Variants in ABLIM2 observed in about 807,000 individuals in gnomAD.
ABLIM2 encodes actin binding LIM protein family member 2.
Under a neutral mutation model 97.7 loss-of-function variants are expected in ABLIM2, and 53 were observed. The ratio of observed to expected loss-of-function variants is 0.54; its 90% confidence interval spans 0.44 to 0.68. ABLIM2 has a LOEUF of 0.68. Among genes scored for constraint, ABLIM2 ranks in the 30% least tolerant of loss-of-function variants. The pLI is 0.00. For synonymous variants in ABLIM2, 361 were observed against 345.8 expected (o/e 1.04, Z -0.49); for missense variants, 835 against 867.2 (o/e 0.96, Z 0.47).
At chr4:8,006,620 A>G (rs951899614) in intron 16 of ABLIM2, among the ~76,000 whole-genome samples, 7 of 152,240 alleles carry the variant, frequency 4.6e-5, no homozygotes, top group Non-Finnish European at 7.3e-5. Flanking sequence ...ACGTGAGTGC[A>G]GGGCAGATGG....
At chr4:7,985,569 C>T (rs1401938967) in intron 17 of ABLIM2, among the ~76,000 whole-genome samples, 1 of 152,180 alleles carries the variant, frequency 6.6e-6, no homozygotes, top group African/African-American at 2.4e-5. Flanking sequence ...GGGCTCCTAC[C>T]TCCCTGGAAA....
intron 20 of ABLIM2, among the ~76,000 whole-genome samples, chr4:7,974,598 TA>T (rs146489969): frequency 1 from 150,770 of 150,820 alleles, 75,360 homozygotes; most frequent in Middle Eastern, 1. Context: ...CATCCAATCC[TA>T]CCATCCAATC....
Position 7,996,484 on chromosome 4 carries a change from A to G in ABLIM2, c.1619-3557T>C, listed in dbSNP as rs556008579. Among the ~76,000 whole-genome samples, 6 of 152,254 alleles carry G rather than the reference A, an allele frequency of 3.9e-5. No homozygotes were observed. Among genetic ancestry groups the G allele is most frequent in the Admixed American group, 1.3e-4 (2 of 15,296 alleles). ...TGGAAACCTTGCTTCCGCGAAGGCCATTTTATCCTCCCCACTTTGACTATG... is the reference window on the plus strand; with the variant it reads ...TGGAAACCTTGCTTCCGCGAAGGCCGTTTTATCCTCCCCACTTTGACTATG... On this transcript the variant is annotated intron_variant, in intron 16 of 20. Coordinates refer to ENST00000447017, the MANE Select transcript of ABLIM2 (RefSeq NM_001130083.2). The surrounding 1 kb of genome is among the most constrained non-coding windows in gnomAD (Gnocchi z 4.5).
intron 12 of ABLIM2, among the ~76,000 whole-genome samples, chr4:8,025,551 G>A (rs1052853398): frequency 6.6e-6 from 1 of 152,220 alleles, no homozygotes; most frequent in African/African-American, 2.4e-5. Flanking sequence ...GGGAGCTGAG[G>A]AGGGGGCTGC....
At chr4:8,086,003 C>T (rs1823354765) in intron 4 of ABLIM2, among the ~76,000 whole-genome samples, 1 of 152,188 alleles carries the variant, frequency 6.6e-6, no homozygotes, top group Admixed American at 6.5e-5. Context: ...TGCAGAAGAG[C>T]TCCTCCAGGC....
intron 1 of ABLIM2, among the ~76,000 whole-genome samples, chr4:8,156,913 C>T (rs770767668): frequency 9.9e-5 from 15 of 152,184 alleles, no homozygotes; most frequent in Non-Finnish European, 7.3e-5. Flanking sequence ...TGGGCAGGGG[C>T]GACAGGTGGC....
Position 8,097,129 on chromosome 4 carries a change from T to A in ABLIM2, c.308A>T (p.His103Leu). Reference protein sequence around the residue: ...EVVSALGKTYHPDCFVCAVCR... With the variant: ...EVVSALGKTYLPDCFVCAVCR... ...GACGGCACACACGAAGCAGTCGGGG[T>A]GGTAGGTCTTGCCCAGCGCCGACAC... Residue 103 changes from histidine to leucine, a missense_variant, in exon 3 of 21, where the codon CAC becomes CTC. Physicochemically the swap from His to Leu is moderately conservative, Grantham distance 99. Transcript: ENST00000447017. 3 of 1,608,800 alleles carry A rather than the reference T, an allele frequency of 1.9e-6. No individual in the cohort carries two copies. Among genetic ancestry groups the A allele is most frequent in the Non-Finnish European group, 2.5e-6 (3 of 1,177,962 alleles).
rs1848470138 is a variant in ABLIM2, at chr4:8,127,382, C to G, written c.11-20745G>C. Among the ~76,000 whole-genome samples the G allele has an allele frequency of 1.3e-5, 2 of 152,208 alleles. No homozygotes were observed. The highest frequency in any genetic ancestry group is 4.8e-5 in the African/African-American group (2 of 41,450). ...CCCACTGGCGCTCGTGGTGCCGGCG[C>G]TCATGACCTTCACGCAGGGCACAAC... On this transcript the variant is annotated intron_variant, in intron 1 of 20. Coordinates refer to ENST00000447017, the MANE Select transcript of ABLIM2 (RefSeq NM_001130083.2). The surrounding 1 kb of genome is among the most constrained non-coding windows in gnomAD (Gnocchi z 7.3).
chr4:8,116,930 T>G (rs956258602), intron 1 of ABLIM2, among the ~76,000 whole-genome samples: 1 of 152,222 alleles, frequency 6.6e-6, no homozygotes, highest in Admixed American at 6.5e-5. Context: ...ATAAGCCTTA[T>G]GCATTTTATC....
chr4:8,079,644 A>AG (rs1818485499), intron 5 of ABLIM2, among the ~76,000 whole-genome samples: 2 of 152,280 alleles, frequency 1.3e-5, no homozygotes, highest in African/African-American at 4.8e-5. Context: ...AGTTTCCCCC[A>AG]GTGGTGATGC....
intron 20 of ABLIM2, among the ~76,000 whole-genome samples, chr4:7,978,928 CA>C (rs909345501): frequency 2.0e-4 from 30 of 152,272 alleles, no homozygotes; most frequent in African/African-American, 7.0e-4. Context: ...GATGAGACGG[CA>C]GGGGCGCCTC....
At chr4:8,062,605 A>AT (rs1194283017) in intron 6 of ABLIM2, among the ~76,000 whole-genome samples, 1 of 151,446 alleles carries the variant, frequency 6.6e-6, no homozygotes, top group Non-Finnish European at 1.5e-5. Context: ...CGCCTGGCTA[A>AT]TTTTTTTGTA....
intron 1 of ABLIM2, among the ~76,000 whole-genome samples, chr4:8,143,913 T>C (rs1851398491): frequency 6.6e-6 from 1 of 152,128 alleles, no homozygotes; most frequent in African/African-American, 2.4e-5. Flanking sequence ...AGGGGCATCC[T>C]TCCTGGTGTT....
Position 8,110,693 on chromosome 4 carries a change from T to G in ABLIM2, c.11-4056A>C, listed in dbSNP as rs1466169328. 2.6e-5 allele frequency among the ~76,000 whole-genome samples: 4 copies of G among 152,284 alleles called. No individual in the cohort carries two copies. In the East Asian group the frequency reaches 7.7e-4, roughly 29 times the overall value. The stretch of plus-strand genomic sequence containing the variant: ...TGTGGGGGTGAGGGTTGAGGGAAGC[T>G]GCTAAGAGCATGGATTTGCTTGGAG... On this transcript the variant is annotated intron_variant, in intron 1 of 20. Transcript: ENST00000447017.
rs1055688769 is a variant in ABLIM2 at position 8,069,770 on chromosome 4, T to C, written c.675+7858A>G. On this transcript the variant is annotated intron_variant, in intron 6 of 20. Coordinates refer to ENST00000447017, the MANE Select transcript of ABLIM2 (RefSeq NM_001130083.2). This position sits in a 1 kb window ranked among gnomAD's most constrained non-coding sequence, Gnocchi z 4.2. ...GTCTGTGTACGTTTCGGTGTGTCCATGCATGTTGTCTGTGTCTCTCCGTGT... is the reference window on the plus strand; with the variant it reads ...GTCTGTGTACGTTTCGGTGTGTCCACGCATGTTGTCTGTGTCTCTCCGTGT... Among the ~76,000 whole-genome samples, 3 of 151,902 alleles carry C rather than the reference T, an allele frequency of 2.0e-5. No homozygotes were observed. Among genetic ancestry groups the C allele is most frequent in the Non-Finnish European group, 4.4e-5 (3 of 67,944 alleles).
In ABLIM2 at chr4:7,996,310, C is replaced by G; in HGVS notation, c.1619-3383G>C. 6.6e-6 allele frequency among the ~76,000 whole-genome samples: 1 copy of G among 152,210 alleles called. No homozygotes were observed. Among genetic ancestry groups the G allele is most frequent in the East Asian group, 1.9e-4 (1 of 5,180 alleles). Reference sequence around the variant, plus strand: ...GCACACTGGCCTACTGCCTCGAGAACAGAGAACACCCTTGGTGGTGTCCTG... The same window carrying G: ...GCACACTGGCCTACTGCCTCGAGAAGAGAGAACACCCTTGGTGGTGTCCTG... On this transcript the variant is annotated intron_variant, in intron 16 of 20. Transcript: ENST00000447017. This position sits in a 1 kb window ranked among gnomAD's most constrained non-coding sequence, Gnocchi z 4.5.
rs1047170366 is a variant in ABLIM2 at position 8,100,457 on chromosome 4, G to A, written c.155-3175C>T. On this transcript the variant is annotated intron_variant, in intron 2 of 20. Coordinates refer to ENST00000447017, the MANE Select transcript of ABLIM2 (RefSeq NM_001130083.2). Reference sequence around the variant, plus strand: ...TGCATGGTGGCTGTAAGAAATCAGTGAGATGAAGGCAGGGTGCGGTGGCTC... The same window carrying A: ...TGCATGGTGGCTGTAAGAAATCAGTAAGATGAAGGCAGGGTGCGGTGGCTC... 3.0e-4 allele frequency among the ~76,000 whole-genome samples: 46 copies of A among 152,118 alleles called. 1 individual carries two copies. The highest frequency in any genetic ancestry group is 1.0e-3 in the African/African-American group (43 of 41,420).
At position 8,044,136 on chromosome 4, in the gene ABLIM2, A is replaced by G. The variant is rs4235253; in HGVS notation, c.900+1028T>C. 0.78 allele frequency among the ~76,000 whole-genome samples: 118,743 copies of G among 152,184 alleles called. 47,090 individuals carry two copies. Among genetic ancestry groups the G allele is most frequent in the African/African-American group, 0.93 (38,447 of 41,552 alleles). On this transcript the variant is annotated intron_variant, in intron 9 of 20. Coordinates refer to ENST00000447017, the MANE Select transcript of ABLIM2 (RefSeq NM_001130083.2). This position sits in a 1 kb window ranked among gnomAD's most constrained non-coding sequence, Gnocchi z 4.4. Reference sequence around the variant, plus strand: ...GTCGAAAAGAAGCACAGCAGACAGCAGATCCAATAAACTGTCTTAAAGTTC... The same window carrying G: ...GTCGAAAAGAAGCACAGCAGACAGCGGATCCAATAAACTGTCTTAAAGTTC...
At chr4:8,101,672 A>G (rs184904175) in intron 2 of ABLIM2, among the ~76,000 whole-genome samples, 6 of 152,248 alleles carry the variant, frequency 3.9e-5, no homozygotes, top group Non-Finnish European at 1.5e-5. Context: ...GGACTTGCTC[A>G]GTTCCACTTC....
Sources: allele counts gnomAD v4.1 joint callset (sites outside exome capture counted in the v4.1 genomes callset), GRCh38; gene constraint gnomAD v4.1.1; non-coding constraint Gnocchi (gnomAD v3.1); transcripts MANE v1.5; gene names NCBI Gene and HGNC (gene_info 2026-07-23, HGNC 2026-07-21).